The following OXTR variants were observed in gnomAD, a reference collection of about 807,000 sequenced individuals.
OXTR encodes the protein oxytocin receptor.
In OXTR, 19 loss-of-function variants were observed where a neutral mutation model predicts 23.9. The ratio of observed to expected loss-of-function variants is 0.80; its 90% CI spans 0.56 to 1.17. The LOEUF (loss-of-function observed/expected upper bound fraction) is 1.17, where lower values mean the gene tolerates loss of function less well. OXTR is among the 50% of genes most tolerant of loss of function. OXTR has a pLI of 0.00. For missense variants in OXTR, 500 were observed against 550.7 expected (o/e 0.91, Z 0.92); for synonymous variants, 278 against 250.5 (o/e 1.11, Z -1.04).
At chr3:8,765,221 G>C (rs923814593) in intron 3 of OXTR, among the ~76,000 whole-genome samples, 1 of 152,194 alleles carries the variant, frequency 6.6e-6, no homozygotes, top group Non-Finnish European at 1.5e-5. Flanking sequence ...TACGTGTGAC[G>C]TGTTGACCAC....
chr3:8,748,702 C>G (rs1708205858), downstream of OXTR, among the ~76,000 whole-genome samples: 1 of 152,238 alleles, frequency 6.6e-6, no homozygotes, highest in Non-Finnish European at 1.5e-5. Flanking sequence ...CAGGTCACCA[C>G]AGTAGAACAA....
chr3:8,753,277 G>A (rs752059680), intron 3 of OXTR, 53 bp from the exon 4 acceptor site: 1 of 1,590,524 alleles, frequency 6.3e-7, no homozygotes, highest in Admixed American at 1.7e-5. Context: ...TAACACTGGA[G>A]CCACTTCCAG....
chr3:8,758,322 G>A (rs1256381743), intron 3 of OXTR, among the ~76,000 whole-genome samples: 1 of 152,070 alleles, frequency 6.6e-6, no homozygotes, highest in Non-Finnish European at 1.5e-5. Context: ...CCGCCTCTCC[G>A]GGCTGTGCTG....
rs1027825190 is a variant in OXTR at position 8,767,661 on chromosome 3, G to T, written c.527C>A (p.Ser176Tyr). Reference sequence around the variant, plus strand: ...GACGCCGTCAGCCACCTCGCGCAGAGAGAAGATGTGCACCTGCGGCGCGCT... The same window carrying T: ...GACGCCGTCAGCCACCTCGCGCAGATAGAAGATGTGCACCTGCGGCGCGCT... ...VASAPQVHIF[S>Y]LREVADGVFD... Residue 176 changes from serine to tyrosine, a missense_variant, in exon 3 of 4, where the codon TCT becomes TAT. Ser to Tyr is a moderately radical substitution (Grantham distance 144, BLOSUM62 -2). Coordinates refer to ENST00000316793, the MANE Select transcript of OXTR (RefSeq NM_000916.4). The T allele has an allele frequency of 1.9e-6, 3 of 1,612,530 alleles. No homozygotes were observed. Among genetic ancestry groups the T allele is most frequent in the African/African-American group, 1.3e-5 (1 of 74,886 alleles).
chr3:8,768,231 G>A lies in OXTR; in HGVS notation c.-44C>T, dbSNP rs1708683412. On this transcript the variant is annotated 5_prime_UTR_variant, in exon 3 of 4. Transcript: ENST00000316793. The surrounding 1 kb of genome is among the most constrained non-coding windows in gnomAD (Gnocchi z 5.4). ...GCGCCCCGGCCTTCGAGCCCTTTACGGCTTGGCGCGGCTGGGCCGGATCCG... is the reference window on the plus strand; with the variant it reads ...GCGCCCCGGCCTTCGAGCCCTTTACAGCTTGGCGCGGCTGGGCCGGATCCG... The A allele has an allele frequency of 1.8e-5, 23 of 1,268,624 alleles. No homozygotes were observed. The highest frequency in any genetic ancestry group is 6.4e-5 in the East Asian group (2 of 31,054). The allele number at this position is 1,268,624 out of a possible 1,614,324, so 78.6% of individuals were successfully genotyped here.
intron 3 of OXTR, among the ~76,000 whole-genome samples, chr3:8,759,917 A>T (rs554963099): frequency 2.6e-5 from 4 of 152,196 alleles, no homozygotes; most frequent in Non-Finnish European, 5.9e-5. Context: ...CATACCTTAG[A>T]CAAGACCCAG....
chr3:8,753,046 GT>G lies in OXTR; in HGVS notation c.1100del (p.Asn367ThrfsTer7). ...LGETSASKKS[N>X]SSSFVLSHRS... Reference sequence around the variant, plus strand: ...GATGGCTCAGGACAAAGGAGGACGAGTTGCTCTTTTTGCTGGCACTCGTCTC... The same window carrying G: ...GATGGCTCAGGACAAAGGAGGACGAGTGCTCTTTTTGCTGGCACTCGTCTC... On this transcript the variant is annotated frameshift_variant, in exon 4 of 4. Coordinates refer to ENST00000316793, the MANE Select transcript of OXTR (RefSeq NM_000916.4). LOFTEE classifies it high-confidence loss of function. 6.2e-7 allele frequency: 1 copy of G among 1,614,164 alleles called. No homozygotes were observed. The highest frequency in any genetic ancestry group is 8.5e-7 in the Non-Finnish European group (1 of 1,180,010).
In OXTR at chr3:8,753,119, C is replaced by T. The variant is rs201981901; in HGVS notation, c.1028G>A (p.Arg343His). ...TGHLFHELVQ[R>H]FLCCSASYLK... ...GTAGCTGGCGGAGCAGCACAGGAAG[C>T]GCTGCACGAGTTCGTGGAAGAGGTG... is the stretch of plus-strand genomic sequence containing the variant. The change falls in exon 4 of 4, where the codon CGC (arginine) becomes CAC (histidine). Residue 343 changes from arginine (R) to histidine (H), a missense_variant. By Grantham distance (29) the Arg-to-His change is conservative. Transcript: ENST00000316793. The T allele has an allele frequency of 7.4e-6, 12 of 1,613,992 alleles. No individual in the cohort carries two copies. Among genetic ancestry groups the T allele is most frequent in the South Asian group, 3.3e-5 (3 of 91,088 alleles).
At position 8,751,183 on chromosome 3, in the gene OXTR, G is replaced by A. The variant is rs1575481025; in HGVS notation, c.*1794C>T. 6.6e-6 allele frequency: 1 copy of A among 152,004 alleles called. No individual in the cohort carries two copies. Among genetic ancestry groups the A allele is most frequent in the Admixed American group, 6.6e-5 (1 of 15,262 alleles). 9.4% of individuals were successfully genotyped at this position (152,004 alleles called of 1,614,324 possible). A position where few individuals can be genotyped will look rare whatever the true frequency, so the allele number is the denominator to read the frequency against. On this transcript the variant is annotated 3_prime_UTR_variant, in exon 4 of 4. Coordinates refer to ENST00000316793, the MANE Select transcript of OXTR (RefSeq NM_000916.4). ...TAGTAGCCATTTGCATATCTTCTTT[G>A]GAGAAATGTCTATTCAAACCGTTAG...
rs775129787 is a variant in OXTR at position 8,767,849 on chromosome 3, G to A, written c.339C>T (p.Arg113=). ...FRFYGPDLLC[R]LVKYLQVVGM... ...CCACCACCTGCAAGTACTTGACCAGGCGGCACAGCAGGTCGGGCCCGTAGA... is the reference window on the plus strand; with the variant it reads ...CCACCACCTGCAAGTACTTGACCAGACGGCACAGCAGGTCGGGCCCGTAGA... The change falls in exon 3 of 4, where the codon CGC becomes CGT. Residue 113 remains arginine, a synonymous_variant. Transcript: ENST00000316793. 2 of 1,613,006 alleles carry A rather than the reference G, an allele frequency of 1.2e-6. No homozygotes were observed. Among genetic ancestry groups the A allele is most frequent in the Non-Finnish European group, 1.7e-6 (2 of 1,179,490 alleles).
downstream of OXTR, among the ~76,000 whole-genome samples, chr3:8,747,537 A>G (rs1708191271): frequency 6.6e-6 from 1 of 152,178 alleles, no homozygotes; most frequent in South Asian, 2.1e-4. Flanking sequence ...ACCCCTAAAC[A>G]CTTCATCATT....
intron 3 of OXTR, 81 bp downstream of exon 3, chr3:8,767,185 C>G: frequency 7.3e-7 from 1 of 1,378,768 alleles, no homozygotes; most frequent in Non-Finnish European, 9.8e-7. Flanking sequence ...TCCACAGACC[C>G]CTGGACATTC....
the OXTR span, among the ~76,000 whole-genome samples, chr3:8,742,780 T>A: frequency 1.3e-5 from 2 of 152,110 alleles, no homozygotes. Context: ...AGATGGATGA[T>A]AGATGAGCAG....
At position 8,753,048 on chromosome 3, in the gene OXTR, T is replaced by C; in HGVS notation, c.1099A>G (p.Asn367Asp). Residue 367 changes from asparagine (N) to aspartate (D), a missense_variant, in exon 4 of 4, where the codon AAC (asparagine) becomes GAC (aspartate). Physicochemically the swap from Asn to Asp is conservative, Grantham distance 23. Coordinates refer to ENST00000316793, the MANE Select transcript of OXTR (RefSeq NM_000916.4). ...TGGCTCAGGACAAAGGAGGACGAGT[T>C]GCTCTTTTTGCTGGCACTCGTCTCT... ...LGETSASKKSNSSSFVLSHRS... is the reference protein window; with the variant it reads ...LGETSASKKSDSSSFVLSHRS... 1 of 1,614,154 alleles carries C rather than the reference T, an allele frequency of 6.2e-7. No homozygotes were observed. Among genetic ancestry groups the C allele is most frequent in the African/African-American group, 1.3e-5 (1 of 75,050 alleles).
downstream of OXTR, among the ~76,000 whole-genome samples, chr3:8,747,985 T>C (rs1175667430): frequency 2.6e-5 from 4 of 152,102 alleles, no homozygotes; most frequent in African/African-American, 4.8e-5. Context: ...CTGAGATGCA[T>C]GGGTGTCCAA....
chr3:8,745,114 C>A, the OXTR span: 1 of 211,504 alleles, frequency 4.7e-6, no homozygotes, highest in East Asian at 1.1e-4. The surrounding 1 kb of genome is among the most constrained non-coding windows in gnomAD (Gnocchi z 4.8). Flanking sequence ...TTAGTGCTGT[C>A]CTCACAATAG....
intron 3 of OXTR, among the ~76,000 whole-genome samples, chr3:8,758,713 G>A (rs1162808171): frequency 4.6e-5 from 7 of 152,136 alleles, no homozygotes; most frequent in Admixed American, 3.9e-4. Flanking sequence ...AGAGCCAAAC[G>A]GGCGGGCTAC....
intron 3 of OXTR, among the ~76,000 whole-genome samples, chr3:8,758,585 A>G (rs1708424413): frequency 1.3e-5 from 2 of 152,190 alleles, no homozygotes; most frequent in South Asian, 4.1e-4. Context: ...TTATAGAAAG[A>G]TTGAGTCTCA....
At chr3:8,763,547 G>A (rs1708536418) in intron 3 of OXTR, among the ~76,000 whole-genome samples, 1 of 152,144 alleles carries the variant, frequency 6.6e-6, no homozygotes, top group African/African-American at 2.4e-5. Flanking sequence ...CTGCCCCAGG[G>A]TCAGAGCCCC....
Sources: allele counts gnomAD v4.1 joint callset (sites outside exome capture counted in the v4.1 genomes callset), GRCh38; gene constraint gnomAD v4.1.1; non-coding constraint Gnocchi (gnomAD v3.1); transcripts MANE v1.5; gene names NCBI Gene and HGNC (gene_info 2026-07-23, HGNC 2026-07-21).